PRKG1: variants seen among roughly 807,000 people sequenced by gnomAD.
The protein encoded by PRKG1 is cGMP-dependent protein kinase 1.
In PRKG1, 35 loss-of-function variants were observed where a neutral mutation model predicts 88.1. That is an observed-to-expected ratio of 0.40 (90% CI 0.30 to 0.53). The LOEUF (loss-of-function observed/expected upper bound fraction) is 0.53, where lower values mean the gene tolerates loss of function less well. Among genes scored for constraint, PRKG1 ranks in the 20% least tolerant of loss-of-function variants. PRKG1 has a pLI of 0.59. For synonymous variants in PRKG1, 303 were observed against 292.5 expected (o/e 1.04, Z -0.37); for missense variants, 540 against 839.8 (o/e 0.64, Z 4.41).
At chr10:51,470,271 C>G (rs563538109) in intron 3 of PRKG1, among the ~76,000 whole-genome samples, 1 of 151,752 alleles carries the variant, frequency 6.6e-6, no homozygotes, top group African/African-American at 2.4e-5. Flanking sequence ...ATTTTCCTGT[C>G]GTCATGTCAT....
At chr10:51,835,408 AT>A (rs1840107659) in intron 4 of PRKG1, among the ~76,000 whole-genome samples, 1 of 152,204 alleles carries the variant, frequency 6.6e-6, no homozygotes, top group Non-Finnish European at 1.5e-5. Flanking sequence ...TGGGCTTTGC[AT>A]GTTGTGAACT....
intron 9 of PRKG1, among the ~76,000 whole-genome samples, chr10:52,179,967 G>T (rs141015670): frequency 6.6e-6 from 1 of 152,194 alleles, no homozygotes; most frequent in Admixed American, 6.5e-5. Flanking sequence ...GATTACAGGC[G>T]TGAGCCACCG....
chr10:51,628,314 C>T (rs1839426743), intron 3 of PRKG1, among the ~76,000 whole-genome samples: 1 of 151,490 alleles, frequency 6.6e-6, no homozygotes, highest in Admixed American at 6.6e-5. Context: ...AGGTGTGTGC[C>T]ACCACAGCCA....
At chr10:52,099,441 C>G (rs1428547826) in intron 7 of PRKG1, among the ~76,000 whole-genome samples, 2 of 152,154 alleles carry the variant, frequency 1.3e-5, no homozygotes. Context: ...ACCACTTTGT[C>G]TTAGCATCAT....
chr10:52,002,460 T>C (rs750520315), intron 5 of PRKG1, among the ~76,000 whole-genome samples: 9 of 152,178 alleles, frequency 5.9e-5, no homozygotes, highest in Non-Finnish European at 1.0e-4. Flanking sequence ...CTTCCTTTTT[T>C]CTTGCCTTCC....
chr10:51,726,741 A>T (rs1203100942), intron 3 of PRKG1, among the ~76,000 whole-genome samples: 1 of 152,194 alleles, frequency 6.6e-6, no homozygotes, highest in African/African-American at 2.4e-5. Context: ...ATTAATGCCT[A>T]TTGAATGAAT....
At chr10:51,523,176 A>G (rs1841782536) in intron 3 of PRKG1, among the ~76,000 whole-genome samples, 1 of 152,002 alleles carries the variant, frequency 6.6e-6, no homozygotes, top group Non-Finnish European at 1.5e-5. Context: ...AGAGGGTGAG[A>G]TTCAGCATTT....
chr10:51,515,493 A>G (rs1212353890), intron 3 of PRKG1, among the ~76,000 whole-genome samples: 1 of 152,182 alleles, frequency 6.6e-6, no homozygotes, highest in Non-Finnish European at 1.5e-5. Flanking sequence ...GTACTATTCA[A>G]CCTGAAAATT....
intron 2 of PRKG1, among the ~76,000 whole-genome samples, chr10:51,377,085 T>TAAA (rs35935908): frequency 3.4e-5 from 5 of 146,562 alleles, no homozygotes; most frequent in African/African-American, 1.2e-4. Context: ...TGTTAGCAGT[T>TAAA]AAAAAAAAAA....
intron 2 of PRKG1, among the ~76,000 whole-genome samples, chr10:51,410,238 A>ATG (rs762105037): frequency 0.035 from 5,019 of 143,730 alleles, 101 homozygotes; most frequent in Non-Finnish European, 0.045. Context: ...GTGTGTGTGT[A>ATG]TGTGTGTGTG....
intron 5 of PRKG1, among the ~76,000 whole-genome samples, chr10:52,023,082 A>C (rs1000176206): frequency 6.6e-6 from 1 of 152,014 alleles, no homozygotes; most frequent in African/African-American, 2.4e-5. Context: ...CCACACCCCG[A>C]CAGGTCCTGG....
At chr10:52,232,360 A>T (rs1465939833) in intron 9 of PRKG1, among the ~76,000 whole-genome samples, 3 of 152,166 alleles carry the variant, frequency 2.0e-5, no homozygotes, top group Non-Finnish European at 4.4e-5. Flanking sequence ...TTCTAAAACA[A>T]TTCTCAATAT....
chr10:51,225,568 CTTTTG>C (rs950383187), intron 2 of PRKG1, among the ~76,000 whole-genome samples: 3 of 152,022 alleles, frequency 2.0e-5, no homozygotes, highest in African/African-American at 7.2e-5. Flanking sequence ...CCTTTTTAAT[CTTTTG>C]TTTTGAGAAT....
At chr10:50,997,779 A>G (rs1167693516) in intron 1 of PRKG1, among the ~76,000 whole-genome samples, 1 of 152,194 alleles carries the variant, frequency 6.6e-6, no homozygotes, top group Non-Finnish European at 1.5e-5. Context: ...CCTTGAGTCT[A>G]GAGTCATTGG....
intron 7 of PRKG1, among the ~76,000 whole-genome samples, chr10:52,122,390 G>C (rs1025984170): frequency 6.6e-6 from 1 of 152,090 alleles, no homozygotes; most frequent in Non-Finnish European, 1.5e-5. Context: ...TGGGGGATAC[G>C]TTCAAACCAT....
intron 5 of PRKG1, among the ~76,000 whole-genome samples, chr10:52,052,590 T>C (rs1846015132): frequency 6.6e-6 from 1 of 152,010 alleles, no homozygotes; most frequent in South Asian, 2.1e-4. Flanking sequence ...ACATTCCACA[T>C]GGCTGGGGAG....
chr10:51,152,541 C>G (rs564144048), intron 1 of PRKG1, among the ~76,000 whole-genome samples: 1 of 152,116 alleles, frequency 6.6e-6, no homozygotes, highest in African/African-American at 2.4e-5. Flanking sequence ...AGTCTTCACA[C>G]ATAAAGCTGT....
Position 51,991,381 on chromosome 10 carries a change from G to GT in PRKG1, c.763-63103_763-63102insT, listed in dbSNP as rs200928170. Among the ~76,000 whole-genome samples the GT allele has an allele frequency of 7.6e-3, 1,151 of 151,962 alleles. 74 individuals are homozygous for GT. The East Asian group carries it at 0.16, about 20-fold the overall frequency. ...AAAGTAGTCATCCTTGTCTTTTCCA[G>GT]ATTTTTTTTTTAAATATACTTTAAG... On this transcript the variant is annotated intron_variant, in intron 5 of 17. Transcript: ENST00000373980.
intron 4 of PRKG1, among the ~76,000 whole-genome samples, chr10:51,902,106 A>T (rs2132934836): frequency 6.6e-6 from 1 of 151,950 alleles, no homozygotes; most frequent in Admixed American, 6.6e-5. Context: ...ATAAACTTTT[A>T]TTTTTTATTT....
Sources: allele counts gnomAD v4.1 joint callset (sites outside exome capture counted in the v4.1 genomes callset), GRCh38; gene constraint gnomAD v4.1.1; transcripts MANE v1.5; gene names NCBI Gene and HGNC (gene_info 2026-07-23, HGNC 2026-07-21).